Variants in FOXJ2 observed in about 807,000 individuals in gnomAD.
FOXJ2 encodes forkhead box protein J2.
FOXJ2 carries 18 observed loss-of-function variants against 68.4 expected under a neutral mutation model. The observed-to-expected ratio is 0.26, with a 90% confidence interval of 0.18 to 0.39. The LOEUF is 0.39. FOXJ2 is among the 10% of genes least tolerant of loss of function. The pLI, the probability that FOXJ2 is intolerant of heterozygous loss-of-function variation, is 1.00. For missense variants in FOXJ2, 670 were observed against 726.5 expected (o/e 0.92, Z 0.89); for synonymous variants, 274 against 263.2 (o/e 1.04, Z -0.40).
At chr12:8,051,176 C>T (rs1252774296) in intron 10 of FOXJ2, among the ~76,000 whole-genome samples, 1 of 144,310 alleles carries the variant, frequency 6.9e-6, no homozygotes, top group African/African-American at 2.6e-5. Flanking sequence ...GTTGCCCAGG[C>T]TGGAGTACAG....
intron 10 of FOXJ2, among the ~76,000 whole-genome samples, chr12:8,052,314 G>T (rs1347662240): frequency 1.3e-5 from 2 of 151,906 alleles, no homozygotes; most frequent in African/African-American, 2.4e-5. Flanking sequence ...GACCTCCCGG[G>T]TTCATGCCAT....
chr12:8,035,092 C>G lies in FOXJ2; in HGVS notation c.-15+1259C>G, dbSNP rs563840533. 1.1e-4 allele frequency among the ~76,000 whole-genome samples: 17 copies of G among 152,194 alleles called. No homozygotes were observed. The highest frequency in any genetic ancestry group is 9.8e-4 in the Admixed American group (15 of 15,278). On this transcript the variant is annotated intron_variant, in intron 1 of 10. Coordinates refer to ENST00000162391, the MANE Select transcript of FOXJ2 (RefSeq NM_018416.3). The surrounding 1 kb of genome is among the most constrained non-coding windows in gnomAD (Gnocchi z 4.0). Reference sequence around the variant, plus strand: ...TGAGTACAGTCATTTGTCCTGGAAGCTACTGGTGGTATATGAGATAGGGCA... The same window carrying G: ...TGAGTACAGTCATTTGTCCTGGAAGGTACTGGTGGTATATGAGATAGGGCA...
intron 9 of FOXJ2, 93 bp from the exon 10 acceptor site, chr12:8,050,429 A>G (rs1947101009): frequency 3.3e-6 from 5 of 1,500,902 alleles, no homozygotes; most frequent in Non-Finnish European, 4.4e-6. Context: ...GAGAAGGAGG[A>G]TGGGAGCAAG....
In FOXJ2 at chr12:8,040,180, A is replaced by G. The variant is rs758039940; in HGVS notation, c.333+15A>G. On this transcript the variant is annotated intron_variant, in intron 2 of 10. Transcript: ENST00000162391. This position sits in a 1 kb window ranked among gnomAD's most constrained non-coding sequence, Gnocchi z 4.0. ...TTGGTTGGAAGGTGGGAATGCTTCT[A>G]TAATCTTGGCTTAGGTTTAGGCTTC... 3.1e-6 allele frequency: 5 copies of G among 1,612,152 alleles called. No individual in the cohort carries two copies. Among genetic ancestry groups the G allele is most frequent in the East Asian group, 2.2e-5 (1 of 44,876 alleles).
In FOXJ2 at chr12:8,055,405, A is replaced by G. The variant is rs1785070012; in HGVS notation, c.*2555A>G. 1 of 152,556 alleles carries G rather than the reference A, an allele frequency of 6.6e-6. No individual in the cohort carries two copies. The highest frequency in any genetic ancestry group is 6.5e-5 in the Admixed American group (1 of 15,286). 9.5% of individuals were successfully genotyped at this position (152,556 alleles called of 1,614,324 possible). A position where few individuals can be genotyped will look rare whatever the true frequency, so the allele number is the denominator to read the frequency against. ...GTGAGTCCTTTGTGCCACCACCCAT[A>G]ATGCTTTGCATTGCTGCATCCTGGG... On this transcript the variant is annotated 3_prime_UTR_variant, in exon 11 of 11. Transcript: ENST00000162391.
At position 8,039,951 on chromosome 12, in the gene FOXJ2, G is replaced by A. The variant is rs147737639; in HGVS notation, c.119G>A (p.Arg40His). 5.6e-5 allele frequency: 91 copies of A among 1,613,898 alleles called. No individual in the cohort carries two copies. The highest frequency in any genetic ancestry group is 6.9e-5 in the Non-Finnish European group (81 of 1,180,022). Residue 40 changes from arginine (R) to histidine (H), a missense_variant, in exon 2 of 11, where the codon CGC (arginine) becomes CAC (histidine). Arg to His is a conservative substitution (Grantham distance 29, BLOSUM62 0). This residue lies in a region of FOXJ2 where 115 missense variants were observed against 164.3 expected (regional missense o/e 0.70). Transcript: ENST00000162391. ...ASQAGPPGSS[R>H]KCSPGSPTDP... ...CAGGCTGGGCCTCCCGGGAGCAGCCGCAAGTGTTCACCAGGGTCACCCACA... is the reference window on the plus strand; with the variant it reads ...CAGGCTGGGCCTCCCGGGAGCAGCCACAAGTGTTCACCAGGGTCACCCACA...
At chr12:8,050,850 C>A (rs747933737) in intron 10 of FOXJ2, among the ~76,000 whole-genome samples, 2 of 96,634 alleles carry the variant, frequency 2.1e-5, no homozygotes, top group East Asian at 7.0e-4. Context: ...CCTTTCCCTT[C>A]CCCTTCCCTT....
intron 7 of FOXJ2, 76 bp downstream of exon 7, chr12:8,048,365 A>G: frequency 1.3e-6 from 2 of 1,498,432 alleles, no homozygotes; most frequent in Admixed American, 2.3e-5. Flanking sequence ...ATGGAGGTGC[A>G]GTTAGTTAGG....
rs181550299 is a variant in FOXJ2, at chr12:8,033,013, G to A, written c.-835G>A. 197 of 396,726 alleles carry A rather than the reference G, an allele frequency of 5.0e-4. 1 individual carries two copies. The highest frequency in any genetic ancestry group is 3.9e-3 in the African/African-American group (189 of 48,628). 24.6% of individuals were successfully genotyped at this position (396,726 alleles called of 1,614,324 possible). On this transcript the variant is annotated 5_prime_UTR_variant, in exon 1 of 11. Coordinates refer to ENST00000162391, the MANE Select transcript of FOXJ2 (RefSeq NM_018416.3). ...CACCCCGGGAGCGGAGGCGGGAGCGGGGACGCGAGCAACCTCTCCCCCTGT... is the reference window on the plus strand; with the variant it reads ...CACCCCGGGAGCGGAGGCGGGAGCGAGGACGCGAGCAACCTCTCCCCCTGT...
rs1947161641 is a variant in FOXJ2 at position 8,054,344 on chromosome 12, C to A, written c.*1494C>A. ...GTTACGAGAGGGAAGAACAATTTTA[C>A]TTCTGTCCTTATTTCACTTGCTGAA... On this transcript the variant is annotated 3_prime_UTR_variant, in exon 11 of 11. Coordinates refer to ENST00000162391, the MANE Select transcript of FOXJ2 (RefSeq NM_018416.3). 3 of 152,210 alleles carry A rather than the reference C, an allele frequency of 2.0e-5. No homozygotes were observed. In the South Asian group the frequency reaches 6.2e-4, roughly 31 times the overall value. 9.4% of individuals were successfully genotyped at this position (152,210 alleles called of 1,614,324 possible). A position where few individuals can be genotyped will look rare whatever the true frequency, so the allele number is the denominator to read the frequency against.
In FOXJ2 at chr12:8,049,412, C is replaced by T; in HGVS notation, c.1378C>T (p.Gln460Ter). 6.2e-7 allele frequency: 1 copy of T among 1,614,076 alleles called. No homozygotes were observed. Among genetic ancestry groups the T allele is most frequent in the Non-Finnish European group, 8.5e-7 (1 of 1,179,992 alleles). The stretch of plus-strand genomic sequence containing the variant: ...AGAGCAGAAGAACTGGACCCTCGAC[C>T]AGCATCACATTGCCAATCTGTGTGA... ...QAEQKNWTLD[Q>*]HHIANLCDSL... Residue 460 changes from glutamine to a stop codon, truncating the protein, a stop_gained, in exon 9 of 11, where the codon CAG becomes TAG. Coordinates refer to ENST00000162391, the MANE Select transcript of FOXJ2 (RefSeq NM_018416.3). LOFTEE classifies it high-confidence loss of function.
chr12:8,045,647 C>A (rs919975917), intron 6 of FOXJ2, among the ~76,000 whole-genome samples: 2 of 132,712 alleles, frequency 1.5e-5, no homozygotes, highest in South Asian at 4.8e-4. Context: ...CCACCGTGCC[C>A]GGCCATATTT....
chr12:8,039,437 G>A (rs980728202), intron 1 of FOXJ2, among the ~76,000 whole-genome samples: 6 of 152,184 alleles, frequency 3.9e-5, no homozygotes, highest in African/African-American at 1.4e-4. Flanking sequence ...CATGATTGCA[G>A]AATGGACTTT....
At chr12:8,041,122 A>G (rs751863596) in intron 2 of FOXJ2, among the ~76,000 whole-genome samples, 5 of 151,920 alleles carry the variant, frequency 3.3e-5, no homozygotes, top group Non-Finnish European at 5.9e-5. Flanking sequence ...TAGTTCTCTC[A>G]CTCTATAAAT....
rs1233279675 is a variant in FOXJ2 at position 8,053,647 on chromosome 12, C to T, written c.*797C>T. The T allele has an allele frequency of 1.3e-5, 2 of 152,174 alleles. No homozygotes were observed. Among genetic ancestry groups the T allele is most frequent in the East Asian group, 3.9e-4 (2 of 5,188 alleles). The allele number at this position is 152,174 out of a possible 1,614,324, so 9.4% of individuals were successfully genotyped here. ...CTAAGAAGATAGGATTGGTTTTAGC[C>T]CAAACTCTGCTTCTATGGTAGGGCA... On this transcript the variant is annotated 3_prime_UTR_variant, in exon 11 of 11. Coordinates refer to ENST00000162391, the MANE Select transcript of FOXJ2 (RefSeq NM_018416.3). The surrounding 1 kb of genome is among the most constrained non-coding windows in gnomAD (Gnocchi z 4.1).
chr12:8,048,563 G>A (rs1016722278), intron 7 of FOXJ2, 134 bp from the exon 8 acceptor site: 40 of 1,138,044 alleles, frequency 3.5e-5, no homozygotes, highest in Non-Finnish European at 5.1e-5. Flanking sequence ...CAGGGAGGGA[G>A]AGTCCAAAAC....
chr12:8,048,317 A>C (rs750843203), intron 7 of FOXJ2, 28 bp downstream of exon 7: 1 of 1,521,904 alleles, frequency 6.6e-7, no homozygotes, highest in South Asian at 1.3e-5. Context: ...ACAGTGATCT[A>C]GAGGAGGGTG....
intron 6 of FOXJ2, 55 bp downstream of exon 6, chr12:8,045,013 T>A: frequency 6.7e-7 from 1 of 1,492,676 alleles, no homozygotes; most frequent in Non-Finnish European, 9.1e-7. Context: ...GTTGAACAAG[T>A]GGGGTGACAT....
chr12:8,044,180 C>A, intron 5 of FOXJ2, 89 bp downstream of exon 5: 1 of 1,367,752 alleles, frequency 7.3e-7, no homozygotes, highest in Non-Finnish European at 9.6e-7. Flanking sequence ...TATTGAGTAT[C>A]TGTGATATAT....
Sources: allele counts gnomAD v4.1 joint callset (sites outside exome capture counted in the v4.1 genomes callset), GRCh38; gene constraint gnomAD v4.1.1; regional missense constraint gnomAD v4.1.1; non-coding constraint Gnocchi (gnomAD v3.1); transcripts MANE v1.5; gene names NCBI Gene and HGNC (gene_info 2026-07-23, HGNC 2026-07-21).